ERCC6L2: variants seen among roughly 807,000 people sequenced by gnomAD.
ERCC6L2 encodes the protein DNA excision repair protein ERCC-6-like 2.
ERCC6L2 carries 77 observed loss-of-function variants against 132.0 expected under a neutral mutation model. The ratio of observed to expected loss-of-function variants is 0.58; its 90% CI spans 0.49 to 0.71. ERCC6L2 has a LOEUF of 0.71. Ranked by LOEUF, ERCC6L2 falls within the 30% of genes least tolerant of loss-of-function variation. ERCC6L2 has a pLI of 0.00. For synonymous variants in ERCC6L2, 583 were observed against 632.4 expected (o/e 0.92, Z 1.17); for missense variants, 1,542 against 1,837.6 (o/e 0.84, Z 2.94).
chr9:95,912,725 A>G (rs564306605), intron 4 of ERCC6L2, among the ~76,000 whole-genome samples: 27 of 152,188 alleles, frequency 1.8e-4, no homozygotes, highest in Non-Finnish European at 3.5e-4. Context: ...TTATTCTTCT[A>G]ATCTACATCA....
chr9:95,905,908 G>A (rs948382560), intron 3 of ERCC6L2, among the ~76,000 whole-genome samples: 1 of 152,104 alleles, frequency 6.6e-6, no homozygotes, highest in African/African-American at 2.4e-5. Flanking sequence ...TCTCTATCAA[G>A]TAGATCAAGT....
At chr9:95,986,545 A>G (rs1354375069) in intron 17 of ERCC6L2, among the ~76,000 whole-genome samples, 1 of 140,862 alleles carries the variant, frequency 7.1e-6, no homozygotes, top group Non-Finnish European at 1.5e-5. Flanking sequence ...CACCCAGGCC[A>G]GTGTGCAGTG....
At chr9:96,029,954 T>C (rs1834432612) in intron 19 of ERCC6L2, among the ~76,000 whole-genome samples, 1 of 152,174 alleles carries the variant, frequency 6.6e-6, no homozygotes, top group Non-Finnish European at 1.5e-5. Flanking sequence ...ACCAGCCACC[T>C]CCTCTATTTA....
At chr9:95,956,040 C>T (rs1831583808) in intron 13 of ERCC6L2, 27 bp downstream of exon 13, 1 of 1,349,178 alleles carries the variant, frequency 7.4e-7, no homozygotes, top group Non-Finnish European at 1.0e-6. Context: ...TTTTCTGTTT[C>T]AGAGGTCAAC....
intron 17 of ERCC6L2, among the ~76,000 whole-genome samples, chr9:95,994,564 G>A (rs538059187): frequency 6.2e-4 from 95 of 152,102 alleles, no homozygotes; most frequent in Middle Eastern, 3.2e-3. Context: ...CTACTTCCTC[G>A]TGGCCTCCTG....
downstream of ERCC6L2, among the ~76,000 whole-genome samples, chr9:96,023,085 A>G (rs1313821743): frequency 2.0e-5 from 3 of 152,180 alleles, no homozygotes; most frequent in African/African-American, 7.2e-5. Context: ...AGGGGTCAGC[A>G]GTGGTCTCCT....
At chr9:95,973,182 T>A in intron 16 of ERCC6L2, 94 bp downstream of exon 16, 1 of 857,066 alleles carries the variant, frequency 1.2e-6, no homozygotes, top group Non-Finnish European at 1.6e-6. Flanking sequence ...AAAACAGCCC[T>A]AAAATCAAGA....
intron 2 of ERCC6L2, among the ~76,000 whole-genome samples, chr9:95,886,818 C>T (rs1827892826): frequency 6.6e-6 from 1 of 152,142 alleles, no homozygotes; most frequent in African/African-American, 2.4e-5. Context: ...GAAAGACAGA[C>T]CCATCCTTAA....
At chr9:96,034,358 G>A (rs1489597967) in intron 19 of ERCC6L2, among the ~76,000 whole-genome samples, 3 of 152,198 alleles carry the variant, frequency 2.0e-5, no homozygotes, top group Non-Finnish European at 4.4e-5. Context: ...GCAAGTGGCT[G>A]GAGGACCTTC....
At chr9:95,923,217 G>C (rs555201849) in intron 8 of ERCC6L2, 43 bp from the exon 9 acceptor site, 26 of 1,600,768 alleles carry the variant, frequency 1.6e-5, no homozygotes, top group Non-Finnish European at 2.0e-5. Flanking sequence ...AGGTTTGAAT[G>C]TGTTAAGTGG....
At chr9:95,929,314 T>TA (rs1830237662) in intron 11 of ERCC6L2, among the ~76,000 whole-genome samples, 1 of 152,198 alleles carries the variant, frequency 6.6e-6, no homozygotes, top group African/African-American at 2.4e-5. Flanking sequence ...GCTCTGCAGT[T>TA]AGAGTTTTTA....
intron 12 of ERCC6L2, among the ~76,000 whole-genome samples, chr9:95,953,600 A>T (rs1226997516): frequency 4.6e-5 from 7 of 151,648 alleles, no homozygotes; most frequent in Non-Finnish European, 1.5e-5. Context: ...CAATGAAATT[A>T]CTGTGGATCA....
intron 13 of ERCC6L2, among the ~76,000 whole-genome samples, chr9:95,962,942 C>T (rs2133035252): frequency 6.6e-6 from 1 of 152,278 alleles, no homozygotes; most frequent in Non-Finnish European, 1.5e-5. Flanking sequence ...CTAAACGTTA[C>T]AGCACTGGTT....
intron 3 of ERCC6L2, among the ~76,000 whole-genome samples, chr9:95,899,889 G>T (rs1828679578): frequency 1.3e-5 from 2 of 152,090 alleles, no homozygotes; most frequent in Non-Finnish European, 2.9e-5. Context: ...TAATGACAAG[G>T]TCTGCGTACA....
chr9:95,950,014 C>CAA (rs80349353), intron 12 of ERCC6L2, among the ~76,000 whole-genome samples: 4 of 68,604 alleles, frequency 5.8e-5, no homozygotes, highest in Admixed American at 3.1e-4. Context: ...GACTCCGTCT[C>CAA]AAAAAAAAAA....
intron 17 of ERCC6L2, among the ~76,000 whole-genome samples, chr9:95,987,188 C>T (rs1833129271): frequency 1.3e-5 from 2 of 152,112 alleles, no homozygotes; most frequent in South Asian, 4.1e-4. Flanking sequence ...TATCATTCTG[C>T]CCCTGGCCCC....
chr9:96,014,077 C>G lies in ERCC6L2; in HGVS notation c.*874C>G, dbSNP rs908527092. ...TGTATTTAGAAGCCTTTACTCAGCC[C>G]CTGTGTTCTGTGCTAGGAGCTTGAG... On this transcript the variant is annotated 3_prime_UTR_variant, in exon 19 of 19. Coordinates refer to ENST00000653738, the MANE Select transcript of ERCC6L2 (RefSeq NM_020207.7). 6.6e-6 allele frequency: 1 copy of G among 152,174 alleles called. No homozygotes were observed. Among genetic ancestry groups the G allele is most frequent in the Non-Finnish European group, 1.5e-5 (1 of 68,030 alleles). 9.4% of individuals were successfully genotyped at this position (152,174 alleles called of 1,614,324 possible).
chr9:95,966,828 A>G, intron 14 of ERCC6L2, 114 bp downstream of exon 14: 1 of 827,048 alleles, frequency 1.2e-6, no homozygotes, highest in Non-Finnish European at 1.7e-6. Context: ...GGTTTTCTTT[A>G]TCAAAAATGC....
At chr9:95,998,833 A>G (rs1833557437) in intron 17 of ERCC6L2, among the ~76,000 whole-genome samples, 1 of 152,206 alleles carries the variant, frequency 6.6e-6, no homozygotes, top group African/African-American at 2.4e-5. Flanking sequence ...GCAATAGGAA[A>G]CTAATCCAGT....
Sources: gnomAD v4.1 joint callset for allele counts (sites outside exome capture counted in the v4.1 genomes callset) on GRCh38, gnomAD v4.1.1 for gene constraint, MANE v1.5 for transcripts, NCBI Gene and HGNC (gene_info 2026-07-23, HGNC 2026-07-21) for gene names.